TBXAS1: variants seen among roughly 807,000 people sequenced by gnomAD.
The protein encoded by TBXAS1 is thromboxane-A synthase.
A neutral mutation model predicts 60.7 loss-of-function variants in TBXAS1; 48 were observed. That is an observed-to-expected ratio of 0.79 (90% CI 0.63 to 1.01). The LOEUF (loss-of-function observed/expected upper bound fraction) is 1.01. Ranked by LOEUF, TBXAS1 falls within the 50% of genes least tolerant of loss-of-function variation. The pLI is 0.00. For synonymous variants in TBXAS1, 287 were observed against 269.7 expected (o/e 1.06, Z -0.63); for missense variants, 685 against 686.3 (o/e 1.00, Z 0.02).
rs561699976 is a variant in TBXAS1, at chr7:139,923,179, T to C, written c.333+11858T>C. Among the ~76,000 whole-genome samples the C allele has an allele frequency of 8.5e-5, 13 of 152,128 alleles. 1 individual carries two copies. The South Asian group carries it at 2.7e-3, about 32-fold the overall frequency. On this transcript the variant is annotated intron_variant, in intron 4 of 12. Transcript: ENST00000448866. ...CTAAACAAATATATATATATATAAT[T>C]AGCCAGGCATGGTGGCGCATGCCTG...
intron 1 of TBXAS1, among the ~76,000 whole-genome samples, chr7:139,832,742 T>C (rs1191411757): frequency 1.3e-5 from 2 of 152,230 alleles, no homozygotes; most frequent in Admixed American, 1.3e-4. Context: ...GGAAAACCTA[T>C]CAGATGAACT....
chr7:139,992,150 G>C (rs1812954609), intron 9 of TBXAS1, among the ~76,000 whole-genome samples: 1 of 152,206 alleles, frequency 6.6e-6, no homozygotes, highest in African/African-American at 2.4e-5. Flanking sequence ...CCACCTGCAG[G>C]CCAGCTGGCA....
At chr7:139,955,656 G>A in intron 7 of TBXAS1, 49 bp downstream of exon 7, 1 of 1,610,790 alleles carries the variant, frequency 6.2e-7, no homozygotes, top group Non-Finnish European at 8.5e-7. Flanking sequence ...AGCAAGTTGG[G>A]CAGACCCCAT....
At chr7:139,944,800 G>GC (rs1808570866) in intron 5 of TBXAS1, among the ~76,000 whole-genome samples, 1 of 152,024 alleles carries the variant, frequency 6.6e-6, no homozygotes, top group Non-Finnish European at 1.5e-5. Context: ...ATAGGGTTAT[G>GC]TAAAAAAGAC....
At chr7:139,862,280 C>G (rs547257806) in intron 1 of TBXAS1, among the ~76,000 whole-genome samples, 1 of 152,154 alleles carries the variant, frequency 6.6e-6, no homozygotes, top group Admixed American at 6.5e-5. Context: ...AAGGAGCCAG[C>G]AAAGACAGTG....
chr7:139,995,807 G>A (rs1813246301), intron 9 of TBXAS1, among the ~76,000 whole-genome samples: 1 of 152,104 alleles, frequency 6.6e-6, no homozygotes, highest in African/African-American at 2.4e-5. Context: ...CCTGCAGATG[G>A]GTGATGATGC....
intron 9 of TBXAS1, among the ~76,000 whole-genome samples, chr7:139,969,927 T>C (rs1037978411): frequency 6.6e-6 from 1 of 152,132 alleles, no homozygotes; most frequent in East Asian, 1.9e-4. Flanking sequence ...TAATGTTGAA[T>C]CTAAAACAAA....
chr7:139,955,610 A>G lies in TBXAS1; in HGVS notation c.688+3A>G, dbSNP rs1415431431. On this transcript the variant is annotated splice_donor_region_variant and intron_variant, in intron 7 of 12. Transcript: ENST00000448866. Reference sequence around the variant, plus strand: ...CAGACCTATCCTGGTTTTACTCTGTAAGTGCGGCTGCAGCCCGGGGCGCTG... The same window carrying G: ...CAGACCTATCCTGGTTTTACTCTGTGAGTGCGGCTGCAGCCCGGGGCGCTG... The G allele has an allele frequency of 1.2e-6, 2 of 1,613,908 alleles. No individual in the cohort carries two copies. The highest frequency in any genetic ancestry group is 2.2e-5 in the South Asian group (2 of 91,090).
intron 3 of TBXAS1, among the ~76,000 whole-genome samples, chr7:139,876,669 G>T (rs551182544): frequency 4.6e-5 from 7 of 152,194 alleles, no homozygotes; most frequent in Admixed American, 4.6e-4. Context: ...CACAGTTTTG[G>T]TCAAGTTCTT....
intron 12 of TBXAS1, 128 bp downstream of exon 12, chr7:140,017,961 T>G: frequency 1.6e-6 from 2 of 1,258,778 alleles, no homozygotes; most frequent in Non-Finnish European, 2.3e-6. Flanking sequence ...GGCAAGCTCC[T>G]TAACCTCTCT....
chr7:139,808,638 C>T (rs573413497), intron 4 of TBXAS1, among the ~76,000 whole-genome samples: 3 of 152,218 alleles, frequency 2.0e-5, no homozygotes, highest in Non-Finnish European at 2.9e-5. Flanking sequence ...TCATCTCCAC[C>T]GACATCTGGT....
At chr7:139,967,582 C>A (rs567461977) in intron 9 of TBXAS1, among the ~76,000 whole-genome samples, 4 of 152,226 alleles carry the variant, frequency 2.6e-5, no homozygotes, top group South Asian at 2.1e-4. Context: ...GGGTCATGCA[C>A]CTGCCCCCTC....
intron 3 of TBXAS1, among the ~76,000 whole-genome samples, chr7:139,880,790 T>C (rs1383967089): frequency 2.0e-5 from 3 of 152,096 alleles, no homozygotes; most frequent in African/African-American, 7.3e-5. Context: ...TACACATCAT[T>C]GATGTCTGGG....
At chr7:139,904,463 T>G (rs1569511270) in intron 3 of TBXAS1, among the ~76,000 whole-genome samples, 1 of 152,200 alleles carries the variant, frequency 6.6e-6, no homozygotes, top group Non-Finnish European at 1.5e-5. Context: ...TTTAGAATTC[T>G]TTTTTCTAAT....
At chr7:139,898,602 C>A (rs560637529) in intron 3 of TBXAS1, among the ~76,000 whole-genome samples, 2 of 152,120 alleles carry the variant, frequency 1.3e-5, no homozygotes, top group East Asian at 3.9e-4. Context: ...TGAGCCACTA[C>A]GCCCGGCCTG....
intron 3 of TBXAS1, among the ~76,000 whole-genome samples, chr7:139,880,868 C>T (rs890714184): frequency 4.6e-5 from 7 of 152,070 alleles, no homozygotes; most frequent in African/African-American, 9.7e-5. Context: ...TTTTTAATTT[C>T]GATAAATATG....
intron 9 of TBXAS1, among the ~76,000 whole-genome samples, chr7:139,995,064 A>C (rs908848274): frequency 1.1e-4 from 16 of 152,264 alleles, no homozygotes; most frequent in African/African-American, 3.1e-4. Flanking sequence ...AGACATTTTT[A>C]TAAACATCCA....
At chr7:139,840,410 T>C (rs1365057372) in intron 1 of TBXAS1, among the ~76,000 whole-genome samples, 1 of 152,172 alleles carries the variant, frequency 6.6e-6, no homozygotes, top group African/African-American at 2.4e-5. Flanking sequence ...TTTAGGAAAT[T>C]AAGTCTAAAT....
At chr7:139,929,675 C>G (rs1222329500) in intron 4 of TBXAS1, among the ~76,000 whole-genome samples, 1 of 152,144 alleles carries the variant, frequency 6.6e-6, no homozygotes, top group Non-Finnish European at 1.5e-5. Flanking sequence ...AGTCCAAAAC[C>G]CTTGGAGTCA....
Sources: allele counts gnomAD v4.1 joint callset (sites outside exome capture counted in the v4.1 genomes callset), GRCh38; gene constraint gnomAD v4.1.1; transcripts MANE v1.5; gene names NCBI Gene and HGNC (gene_info 2026-07-23, HGNC 2026-07-21).